SLC25A29: variants seen among roughly 807,000 people sequenced by gnomAD.
SLC25A29 encodes the protein mitochondrial basic amino acids transporter.
SLC25A29 carries 13 observed loss-of-function variants against 10.0 expected under a neutral mutation model. That is an observed-to-expected ratio of 1.30 (90% CI 0.85 to 2.07). SLC25A29 has a LOEUF of 2.07. SLC25A29 is among the 30% of genes most tolerant of loss of function. The probability of loss-of-function intolerance (pLI) is 0.00; values close to 1 mark genes in which losing one functional copy is unlikely to be tolerated. For synonymous variants in SLC25A29, 244 were observed against 221.1 expected, an observed-to-expected ratio of 1.10 and a Z score of -0.92; for missense variants, 475 against 447.6, an observed-to-expected ratio of 1.06 and a Z score of -0.55.
chr14:100,299,976 A>G, intron 1 of SLC25A29: 1 of 985,382 alleles, frequency 1.0e-6, no homozygotes, highest in Non-Finnish European at 1.2e-6. Flanking sequence ...CCATCCTTTA[A>G]TACTTTGGAC....
At chr14:100,287,558 C>G (rs1891567588), downstream of SLC25A29, among the ~76,000 whole-genome samples, 1 of 152,058 alleles carries the variant, frequency 6.6e-6, no homozygotes, top group Non-Finnish European at 1.5e-5. Context: ...TGACTGCACC[C>G]TCAACACCTC....
At chr14:100,296,595 C>T (rs373052238) in intron 2 of SLC25A29, 7 of 153,030 alleles carry the variant, frequency 4.6e-5, no homozygotes, top group African/African-American at 1.2e-4. Context: ...GATGTGTGCA[C>T]TTTCCTTCTT....
chr14:100,293,350 T>G lies in SLC25A29; in HGVS notation c.106A>C (p.Lys36Gln), dbSNP rs750302588. The G allele has an allele frequency of 6.2e-7, 1 of 1,613,248 alleles. No homozygotes were observed. Among genetic ancestry groups the G allele is most frequent in the Admixed American group, 1.7e-5 (1 of 60,008 alleles). ...KVRLQVQSVE[K>Q]PQYRGTLHCF... ...TGCAACGTCCCGCGGTACTGAGGCT[T>G]CTCCACGCTCTGGACCTGAAGCCGT... The change falls in exon 3 of 4, where the codon AAG becomes CAG. Residue 36 changes from lysine to glutamine, a missense_variant. Lys to Gln is a moderately conservative substitution (Grantham distance 53). Transcript: ENST00000359232.
At chr14:100,279,479 C>A in the SLC25A29 span, 2 of 152,208 alleles carry the variant, frequency 1.3e-5, no homozygotes, top group Non-Finnish European at 2.9e-5. Flanking sequence ...TTAAAAAATT[C>A]ATCCAGAATC....
chr14:100,283,845 C>T, the SLC25A29 span, among the ~76,000 whole-genome samples: 2 of 151,978 alleles, frequency 1.3e-5, no homozygotes, highest in African/African-American at 4.8e-5. Flanking sequence ...TTATACTTGC[C>T]GGTGTCTCTG....
the SLC25A29 span, chr14:100,279,491 G>A: frequency 6.6e-6 from 1 of 152,226 alleles, no homozygotes; most frequent in Non-Finnish European, 1.5e-5. Context: ...TCCAGAATCT[G>A]TTACCCCTTG....
chr14:100,292,217 C>T lies in SLC25A29; in HGVS notation c.*66G>A, dbSNP rs1439533822. Reference sequence around the variant, plus strand: ...TCCCAGCAGGAAGCAGGGCAATCGACTCAGGGGCCAATTTATGTCCCAGGT... The same window carrying T: ...TCCCAGCAGGAAGCAGGGCAATCGATTCAGGGGCCAATTTATGTCCCAGGT... On this transcript the variant is annotated 3_prime_UTR_variant, in exon 4 of 4. Transcript: ENST00000359232. 1 of 1,519,502 alleles carries T rather than the reference C, an allele frequency of 6.6e-7. No homozygotes were observed. The highest frequency in any genetic ancestry group is 8.8e-7 in the Non-Finnish European group (1 of 1,134,286). The allele number at this position is 1,519,502 out of a possible 1,614,324, so 94.1% of individuals were successfully genotyped here. A position where few individuals can be genotyped will look rare whatever the true frequency, so the allele number is the denominator to read the frequency against.
At chr14:100,301,579 G>A (rs192994838) in intron 1 of SLC25A29, among the ~76,000 whole-genome samples, 8 of 151,826 alleles carry the variant, frequency 5.3e-5, no homozygotes, top group Non-Finnish European at 1.0e-4. Flanking sequence ...GCACGATCTC[G>A]ACTCACTGCA....
intron 2 of SLC25A29, chr14:100,294,017 T>C (rs1891969430): frequency 6.6e-6 from 1 of 152,222 alleles, no homozygotes; most frequent in Non-Finnish European, 1.5e-5. Flanking sequence ...GAGGCTGAGG[T>C]GGGAGAATTG....
At position 100,292,963 on chromosome 14, in the gene SLC25A29, C is replaced by A. The variant is rs762257836; in HGVS notation, c.232G>T (p.Gly78Trp). ...GLTFINALVF[G>W]VQGNTLRALG... is the part of the protein sequence containing the mutation. ...GCCCGGAGGGTGTTGCCCTGCACCCCGAACACCAGCGCGTTGATGAAGGTG... is the reference window on the plus strand; with the variant it reads ...GCCCGGAGGGTGTTGCCCTGCACCCAGAACACCAGCGCGTTGATGAAGGTG... Residue 78 changes from glycine (G) to tryptophan (W), a missense_variant, in exon 4 of 4, where the codon GGG becomes TGG. Transcript: ENST00000359232. 2 of 1,601,638 alleles carry A rather than the reference C, an allele frequency of 1.2e-6. No individual in the cohort carries two copies. The highest frequency in any genetic ancestry group is 2.2e-5 in the East Asian group (1 of 44,464).
intron 1 of SLC25A29, among the ~76,000 whole-genome samples, chr14:100,300,992 C>T (rs377429421): frequency 6.6e-6 from 1 of 151,974 alleles, no homozygotes; most frequent in Non-Finnish European, 1.5e-5. Context: ...CTCCACCTCC[C>T]GGGTTCATGC....
In SLC25A29 at chr14:100,291,959, A is replaced by C. The variant is rs987455187; in HGVS notation, c.*324T>G. The C allele has an allele frequency of 2.7e-6, 1 of 365,476 alleles. No individual in the cohort carries two copies. The highest frequency in any genetic ancestry group is 7.4e-5 in the East Asian group (1 of 13,452). The allele number at this position is 365,476 out of a possible 1,614,324, so 22.6% of individuals were successfully genotyped here. On this transcript the variant is annotated 3_prime_UTR_variant, in exon 4 of 4. Transcript: ENST00000359232. ...CACAATGACGTGGCCAGGATCCCAG[A>C]AAGGGGCTGGAGTGTCTGCCTCAGT...
At chr14:100,295,515 T>C (rs1892081609) in intron 2 of SLC25A29, 1 of 1,189,868 alleles carries the variant, frequency 8.4e-7, no homozygotes, top group Non-Finnish European at 1.1e-6. Context: ...GAGCCCAAGC[T>C]TGCCTCACAC....
downstream of SLC25A29, among the ~76,000 whole-genome samples, chr14:100,287,627 C>CT (rs1891569561): frequency 6.6e-5 from 6 of 90,280 alleles, no homozygotes; most frequent in African/African-American, 1.2e-4. Context: ...ACTGGAGCAC[C>CT]ACCCCCCCCC....
At chr14:100,299,709 C>A in intron 1 of SLC25A29, 1 of 985,080 alleles carries the variant, frequency 1.0e-6, no homozygotes, top group Non-Finnish European at 1.2e-6. Flanking sequence ...CCTCATTACC[C>A]ATTTCACAGG....
intron 2 of SLC25A29, chr14:100,293,768 G>A: frequency 1.1e-5 from 2 of 187,528 alleles, no homozygotes; most frequent in Non-Finnish European, 2.2e-5. Context: ...AGACTAGGCT[G>A]AAGGGCCCCT....
At chr14:100,296,258 A>G (rs1334602512) in intron 2 of SLC25A29, 1 of 321,802 alleles carries the variant, frequency 3.1e-6, no homozygotes, top group Non-Finnish European at 6.2e-6. Context: ...CCCCATCTCT[A>G]CTAATAACTT....
rs200971769 is a variant in SLC25A29 at position 100,293,368 on chromosome 14, G to T, written c.88C>A (p.Gln30Lys). ...HPFDTVKVRLQVQSVEKPQYR... is the reference protein window; with the variant it reads ...HPFDTVKVRLKVQSVEKPQYR... ...TGAGGCTTCTCCACGCTCTGGACCT[G>T]AAGCCGTACCTGGAAGGAGAGGGTC... Residue 30 changes from glutamine (Q) to lysine (K), a missense_variant, in exon 3 of 4, where the codon CAG (glutamine) becomes AAG (lysine). Transcript: ENST00000359232. 3.5e-5 allele frequency: 57 copies of T among 1,612,820 alleles called. No individual in the cohort carries two copies. Among genetic ancestry groups the T allele is most frequent in the Non-Finnish European group, 4.6e-5 (54 of 1,179,872 alleles).
chr14:100,283,076 A>G, the SLC25A29 span, among the ~76,000 whole-genome samples: 2 of 152,242 alleles, frequency 1.3e-5, no homozygotes, highest in African/African-American at 4.8e-5. Flanking sequence ...AGCCCAGTGA[A>G]ATGCCCACGC....
Sources: allele counts gnomAD v4.1 joint callset (sites outside exome capture counted in the v4.1 genomes callset), GRCh38; gene constraint gnomAD v4.1.1; transcripts MANE v1.5; gene names NCBI Gene and HGNC (gene_info 2026-07-23, HGNC 2026-07-21).